Variants in MPHOSPH10 observed in about 807,000 individuals in gnomAD.
MPHOSPH10 encodes the protein M-phase phosphoprotein 10.
Under a neutral mutation model 77.3 loss-of-function variants are expected in MPHOSPH10, and 33 were observed. That is an observed-to-expected ratio of 0.43 (90% CI 0.32 to 0.57). The LOEUF (loss-of-function observed/expected upper bound fraction) is 0.57. Ranked by LOEUF, MPHOSPH10 falls within the 20% of genes least tolerant of loss-of-function variation. The pLI is 0.07. For synonymous variants in MPHOSPH10, 245 were observed against 268.0 expected (o/e 0.91, Z 0.84); for missense variants, 708 against 780.1 (o/e 0.91, Z 1.10).
chr2:71,138,387 A>T, intron 4 of MPHOSPH10, 103 bp from the exon 5 acceptor site: 5 of 897,018 alleles, frequency 5.6e-6, no homozygotes, highest in Non-Finnish European at 8.3e-6. Flanking sequence ...ATCGTAGAAC[A>T]GTACGTTTCT....
chr2:71,136,924 A>G (rs1673505146), intron 4 of MPHOSPH10, among the ~76,000 whole-genome samples: 1 of 129,668 alleles, frequency 7.7e-6, no homozygotes, highest in East Asian at 2.1e-4. Flanking sequence ...ACACACACAC[A>G]CACACACACA....
intron 2 of MPHOSPH10, 96 bp downstream of exon 2, chr2:71,133,672 G>A: frequency 7.7e-7 from 1 of 1,295,000 alleles, no homozygotes; most frequent in Non-Finnish European, 1.1e-6. Context: ...AAGATTTAGT[G>A]ATAAGAAATA....
At chr2:71,145,596 C>T (rs1673691293) in intron 8 of MPHOSPH10, among the ~76,000 whole-genome samples, 1 of 150,792 alleles carries the variant, frequency 6.6e-6, no homozygotes, top group Non-Finnish European at 1.5e-5. Context: ...TCTTTAGATT[C>T]CCAAAGTCCC....
At position 71,134,154 on chromosome 2, in the gene MPHOSPH10, CAT is replaced by C. The variant is rs1491483782; in HGVS notation, c.926+50_926+51del. ...ACATTGTAAGCTGGAATTGCCCAAT[CAT>C]GTGTGTGTACTCGTAGTTATCAAAT... On this transcript the variant is annotated intron_variant, in intron 3 of 10. Transcript: ENST00000244230. The C allele has an allele frequency of 3.7e-4, 568 of 1,542,244 alleles. 2 individuals are homozygous for C. In the African/African-American group the frequency reaches 4.7e-3, roughly 13 times the overall value.
Position 71,139,787 on chromosome 2 carries a change from T to C in MPHOSPH10, c.1241-8T>C. 1 of 1,600,326 alleles carries C rather than the reference T, an allele frequency of 6.2e-7. No homozygotes were observed. Among genetic ancestry groups the C allele is most frequent in the South Asian group, 1.1e-5 (1 of 89,964 alleles). ...CTACCTAATGAATAAACGTTGTATA[T>C]CCTTTAGCACCTGTGATTACAGAGG... On this transcript the variant is annotated splice_polypyrimidine_tract_variant and splice_region_variant and intron_variant, in intron 5 of 10. Transcript: ENST00000244230.
At chr2:71,141,469 C>A in intron 7 of MPHOSPH10, 100 bp downstream of exon 7, 1 of 1,009,232 alleles carries the variant, frequency 9.9e-7, no homozygotes, top group Non-Finnish European at 1.3e-6. Context: ...AAATCTTGAG[C>A]TCTTTGGCTA....
At chr2:71,139,467 C>T (rs545788543) in intron 5 of MPHOSPH10, 1 of 175,432 alleles carries the variant, frequency 5.7e-6, no homozygotes, top group Admixed American at 6.2e-5. Flanking sequence ...CCCATTACAT[C>T]AAAATGAGTT....
At chr2:71,145,369 G>A (rs773307860) in intron 8 of MPHOSPH10, among the ~76,000 whole-genome samples, 12 of 152,128 alleles carry the variant, frequency 7.9e-5, no homozygotes, top group Non-Finnish European at 1.0e-4. Context: ...GCAGGCAATC[G>A]CTTTACGTTT....
At chr2:71,138,444 G>T (rs757714972) in intron 4 of MPHOSPH10, 46 bp from the exon 5 acceptor site, 2 of 1,403,654 alleles carry the variant, frequency 1.4e-6, no homozygotes, top group Non-Finnish European at 1.9e-6. Flanking sequence ...ACAAATATAA[G>T]ATTTTATTTT....
chr2:71,138,277 A>G (rs1651163354), intron 4 of MPHOSPH10, among the ~76,000 whole-genome samples: 1 of 152,174 alleles, frequency 6.6e-6, no homozygotes, highest in South Asian at 2.1e-4. Flanking sequence ...TAAACATGGC[A>G]TTTTAAATTA....
rs1298850380 is a variant in MPHOSPH10 at position 71,149,269 on chromosome 2, C to T, written c.1712C>T (p.Ala571Val). 3.1e-6 allele frequency: 5 copies of T among 1,597,114 alleles called. No individual in the cohort carries two copies. The East Asian group carries it at 1.1e-4, about 36-fold the overall frequency. ...GDIKTAAEKT[A>V]TDKKRERRKK... ...ATAAAAACAGCTGCTGAAAAAACAG[C>T]TACAGACAAGAAACGAGAGCGAAGG... is the stretch of plus-strand genomic sequence containing the variant. Residue 571 changes from alanine to valine, a missense_variant, in exon 10 of 11, where the codon GCT (alanine) becomes GTT (valine). Ala to Val is a moderately conservative substitution (Grantham distance 64, BLOSUM62 0). Around this residue, in one of 3 missense-constraint regions of MPHOSPH10, gnomAD observed 263 missense variants for 320.0 expected, o/e 0.82. Coordinates refer to ENST00000244230, the MANE Select transcript of MPHOSPH10 (RefSeq NM_005791.3).
chr2:71,130,871 T>A, intron 1 of MPHOSPH10, 117 bp downstream of exon 1: 1 of 972,022 alleles, frequency 1.0e-6, no homozygotes, highest in South Asian at 1.7e-5. Flanking sequence ...AAATCGCTTT[T>A]CCCCAAATTT....
At chr2:71,141,054 A>G (rs960975055) in intron 6 of MPHOSPH10, among the ~76,000 whole-genome samples, 178 bp from the exon 7 acceptor site, 1 of 150,664 alleles carries the variant, frequency 6.6e-6, no homozygotes. Context: ...CTTACTCTGT[A>G]ATAAGTAATA....
In MPHOSPH10 at chr2:71,147,996, T is replaced by C; in HGVS notation, c.1558-3T>C. On this transcript the variant is annotated splice_polypyrimidine_tract_variant and splice_region_variant and intron_variant, in intron 8 of 10. Coordinates refer to ENST00000244230, the MANE Select transcript of MPHOSPH10 (RefSeq NM_005791.3). Reference sequence around the variant, plus strand: ...CCCATTGAATGTATTATCTCTTTTCTAGCCTGTACCAGAGATTAAAGTTGT... The same window carrying C: ...CCCATTGAATGTATTATCTCTTTTCCAGCCTGTACCAGAGATTAAAGTTGT... 6.2e-7 allele frequency: 1 copy of C among 1,611,998 alleles called. No homozygotes were observed. The highest frequency in any genetic ancestry group is 1.1e-5 in the South Asian group (1 of 91,034).
At chr2:71,144,783 C>T (rs1400842208) in intron 8 of MPHOSPH10, among the ~76,000 whole-genome samples, 2 of 152,192 alleles carry the variant, frequency 1.3e-5, no homozygotes, top group Admixed American at 6.5e-5. Context: ...AGTACTGCCT[C>T]TTACTGTTTT....
chr2:71,142,942 G>A (rs1673638250), intron 7 of MPHOSPH10, among the ~76,000 whole-genome samples: 1 of 152,100 alleles, frequency 6.6e-6, no homozygotes, highest in Non-Finnish European at 1.5e-5. Flanking sequence ...AGCATTTGGG[G>A]CCAAAGGGGA....
intron 6 of MPHOSPH10, among the ~76,000 whole-genome samples, chr2:71,140,413 TCTTAAGAG>T (rs1429599297): frequency 1.1e-4 from 17 of 152,104 alleles, no homozygotes; most frequent in Non-Finnish European, 2.9e-5. Context: ...CTCTTGCTCT[TCTTAAGAG>T]CCACCATTCC....
intron 8 of MPHOSPH10, among the ~76,000 whole-genome samples, chr2:71,147,562 A>G (rs539858135): frequency 2.6e-5 from 4 of 151,942 alleles, no homozygotes; most frequent in Admixed American, 2.0e-4. Context: ...AGTCCCAGCT[A>G]CTCGGGAGGC....
At chr2:71,142,701 T>C (rs1001225737) in intron 7 of MPHOSPH10, among the ~76,000 whole-genome samples, 5 of 152,162 alleles carry the variant, frequency 3.3e-5, no homozygotes, top group African/African-American at 4.8e-5. Flanking sequence ...AAAGGACATG[T>C]TTAGGATTTT....
Sources: gnomAD v4.1 joint callset for allele counts (sites outside exome capture counted in the v4.1 genomes callset) on GRCh38, gnomAD v4.1.1 for gene constraint, gnomAD v4.1.1 regional missense constraint, MANE v1.5 for transcripts, NCBI Gene and HGNC (gene_info 2026-07-23, HGNC 2026-07-21) for gene names.